The following EML5 variants were observed in gnomAD, a reference collection of about 807,000 sequenced individuals.
The protein encoded by EML5 is echinoderm microtubule-associated protein-like 5.
In EML5, 120 loss-of-function variants were observed where a neutral mutation model predicts 250.0. The observed-to-expected ratio is 0.48, with a 90% CI of 0.41 to 0.56. The LOEUF is 0.56. Among genes scored for constraint, EML5 ranks in the 20% least tolerant of loss-of-function variants. EML5 has a pLI of 0.00. For missense variants in EML5, 2,006 were observed against 2,437.6 expected (o/e 0.82, Z 3.73); for synonymous variants, 771 against 806.5 (o/e 0.96, Z 0.75).
At chr14:88,721,520 G>A (rs551616612) in intron 8 of EML5, among the ~76,000 whole-genome samples, 2 of 152,138 alleles carry the variant, frequency 1.3e-5, no homozygotes, top group African/African-American at 4.8e-5. Context: ...AGGGGGAAAG[G>A]ATCTCCTATT....
At position 88,698,627 on chromosome 14, in the gene EML5, T is replaced by C. The variant is rs569315582; in HGVS notation, c.2239-1675A>G. Among the ~76,000 whole-genome samples, 3 of 152,230 alleles carry C rather than the reference T, an allele frequency of 2.0e-5. 1 individual carries two copies. Among genetic ancestry groups the C allele is most frequent in the African/African-American group, 7.2e-5 (3 of 41,538 alleles). ...CTCACCTGTTACTTAAATACAAACC[T>C]CTCCCAAGGTGGTCTTTAATTCTCC... On this transcript the variant is annotated intron_variant, in intron 14 of 43. Transcript: ENST00000554922.
Position 88,618,707 on chromosome 14 carries a change from T to A in EML5, c.5481A>T (p.Lys1827Asn), listed in dbSNP as rs1483595368. 6.2e-7 allele frequency: 1 copy of A among 1,611,780 alleles called. No homozygotes were observed. Among genetic ancestry groups the A allele is most frequent in the African/African-American group, 1.3e-5 (1 of 74,924 alleles). The change falls in exon 40 of 44, where the codon AAA becomes AAT. Residue 1827 changes from lysine (K) to asparagine (N), a missense_variant. Physicochemically the swap from Lys to Asn is moderately conservative, Grantham distance 94. Transcript: ENST00000554922. The part of the protein sequence containing the change: ...GPTLNRISYC[K>N]DIPSFVIQMD... ...TTTGAATGACAAAGCTTGGAATGTC[T>A]TTGCAGTAGCTGATTCTGTTAAGAG...
Position 88,615,765 on chromosome 14 carries a change from C to A in EML5, c.*53G>T. 1 of 1,579,040 alleles carries A rather than the reference C, an allele frequency of 6.3e-7. No homozygotes were observed. Among genetic ancestry groups the A allele is most frequent in the South Asian group, 1.2e-5 (1 of 85,150 alleles). ...CATGCAGGGTTGGGTTTTGGTTTTT[C>A]TTCTCTGTAATTCTGGTCTCAAAGT... On this transcript the variant is annotated 3_prime_UTR_variant, in exon 44 of 44. Transcript: ENST00000554922.
At chr14:88,655,599 T>C (rs1282210273) in intron 27 of EML5, among the ~76,000 whole-genome samples, 1 of 152,098 alleles carries the variant, frequency 6.6e-6, no homozygotes, top group African/African-American at 2.4e-5. Context: ...CTGACAGCAA[T>C]TGCAACAAAA....
chr14:88,735,758 G>C (rs372175904), intron 7 of EML5, among the ~76,000 whole-genome samples: 16 of 152,106 alleles, frequency 1.1e-4, no homozygotes, highest in African/African-American at 2.7e-4. Context: ...CACAAAACTG[G>C]AGGAAACTAA....
intron 1 of EML5, among the ~76,000 whole-genome samples, chr14:88,776,945 T>A (rs1366399743): frequency 2.6e-5 from 4 of 151,890 alleles, no homozygotes; most frequent in South Asian, 4.2e-4. Flanking sequence ...TAGAAAATAG[T>A]CTCAAAAGGG....
In EML5 at chr14:88,792,893, C is replaced by A; in HGVS notation, c.-390G>T. The A allele has an allele frequency of 3.4e-6, 1 of 291,648 alleles. No individual in the cohort carries two copies. The highest frequency in any genetic ancestry group is 5.1e-6 in the Non-Finnish European group (1 of 195,456). The allele number at this position is 291,648 out of a possible 1,614,324, so 18.1% of individuals were successfully genotyped here. A position where few individuals can be genotyped will look rare whatever the true frequency, so the allele number is the denominator to read the frequency against. The stretch of plus-strand genomic sequence containing the variant: ...GTCACCTGCGGCGCTCGCGCCCCGC[C>A]GCGGCTTTGTAGCCACAGCCTGGCG... On this transcript the variant is annotated 5_prime_UTR_variant, in exon 1 of 44. Coordinates refer to ENST00000554922, the MANE Select transcript of EML5 (RefSeq NM_183387.3). The surrounding 1 kb of genome is among the most constrained non-coding windows in gnomAD (Gnocchi z 6.9).
At chr14:88,738,818 A>G (rs2093883623) in intron 6 of EML5, 61 bp downstream of exon 6, 1 of 1,495,574 alleles carries the variant, frequency 6.7e-7, no homozygotes, top group Admixed American at 2.4e-5. Flanking sequence ...ACTGAAAGAA[A>G]GAGATAATCT....
intron 5 of EML5, 121 bp downstream of exon 5, chr14:88,740,266 G>A: frequency 1.4e-6 from 1 of 709,160 alleles, no homozygotes; most frequent in East Asian, 2.8e-5. Flanking sequence ...AATTCAGTTA[G>A]AAAAGCATTT....
chr14:88,707,948 A>G (rs10151451), intron 10 of EML5, among the ~76,000 whole-genome samples: 17,033 of 152,202 alleles, frequency 0.11, 1,047 homozygotes, highest in African/African-American at 0.14. Flanking sequence ...TCTAACAAAT[A>G]AAATTCCAAG....
intron 8 of EML5, among the ~76,000 whole-genome samples, chr14:88,716,157 T>C: frequency 6.6e-6 from 1 of 152,194 alleles, no homozygotes; most frequent in Admixed American, 6.5e-5. Flanking sequence ...GAATTAATCT[T>C]CAGTTGTATT....
At chr14:88,652,020 GA>G (rs942052836) in intron 27 of EML5, among the ~76,000 whole-genome samples, 2 of 152,018 alleles carry the variant, frequency 1.3e-5, no homozygotes, top group African/African-American at 4.8e-5. Flanking sequence ...AACTGGTAAT[GA>G]AAAAAATGAG....
chr14:88,775,551 G>A (rs2094439239), intron 1 of EML5, among the ~76,000 whole-genome samples: 1 of 152,186 alleles, frequency 6.6e-6, no homozygotes, highest in Non-Finnish European at 1.5e-5. Context: ...GAGAAGAGTG[G>A]GAAGGACTGC....
chr14:88,643,673 C>A (rs2091194135), intron 30 of EML5, among the ~76,000 whole-genome samples: 1 of 152,080 alleles, frequency 6.6e-6, no homozygotes, highest in African/African-American at 2.4e-5. Context: ...GACCTACATA[C>A]AAGAGTCAGG....
rs994707477 is a variant in EML5, at chr14:88,737,509, G to A, written c.848-944C>T. On this transcript the variant is annotated intron_variant, in intron 6 of 43. Transcript: ENST00000554922. Reference sequence around the variant, plus strand: ...GCGAGCCTGGAGCCCAGTGCAGCCCGGGACAGGGGCATTGCGCCCGCCATG... The same window carrying A: ...GCGAGCCTGGAGCCCAGTGCAGCCCAGGACAGGGGCATTGCGCCCGCCATG... Among the ~76,000 whole-genome samples the A allele has an allele frequency of 3.9e-5, 6 of 152,230 alleles. No individual in the cohort carries two copies. In the East Asian group the frequency reaches 1.2e-3, roughly 29 times the overall value.
chr14:88,691,710 T>C (rs2141285643), intron 17 of EML5, among the ~76,000 whole-genome samples: 1 of 152,316 alleles, frequency 6.6e-6, no homozygotes, highest in South Asian at 2.1e-4. Flanking sequence ...CAACCTAGTT[T>C]ACCTAAAACT....
intron 1 of EML5, among the ~76,000 whole-genome samples, chr14:88,756,519 G>A (rs1052360646): frequency 5.9e-5 from 9 of 151,904 alleles, no homozygotes; most frequent in Non-Finnish European, 1.2e-4. Flanking sequence ...CCAGGAAAAG[G>A]AACAAAAAGT....
At chr14:88,708,705 C>G (rs117745497) in intron 10 of EML5, among the ~76,000 whole-genome samples, 91 of 152,220 alleles carry the variant, frequency 6.0e-4, no homozygotes, top group Non-Finnish European at 1.1e-3. Context: ...GCTTGAGCAT[C>G]ATTTAATAGC....
intron 17 of EML5, among the ~76,000 whole-genome samples, chr14:88,692,617 C>G (rs953538663): frequency 1.3e-5 from 2 of 152,126 alleles, no homozygotes; most frequent in Non-Finnish European, 2.9e-5. Flanking sequence ...TTGGGGAATC[C>G]TGGAACCAAT....
Sources: allele counts gnomAD v4.1 joint callset (sites outside exome capture counted in the v4.1 genomes callset), GRCh38; gene constraint gnomAD v4.1.1; non-coding constraint Gnocchi (gnomAD v3.1); transcripts MANE v1.5; gene names NCBI Gene and HGNC (gene_info 2026-07-23, HGNC 2026-07-21).